Variants in PDE12 observed in about 807,000 individuals in gnomAD.
The protein encoded by PDE12 is phosphodiesterase 12.
A neutral mutation model predicts 45.4 loss-of-function variants in PDE12; 26 were observed. That is an observed-to-expected ratio of 0.57 (90% CI 0.42 to 0.79). PDE12 has a LOEUF of 0.79. Ranked by LOEUF, PDE12 falls within the 30% of genes least tolerant of loss-of-function variation. The pLI is 0.00. For synonymous variants in PDE12, 283 were observed against 323.9 expected (o/e 0.87, Z 1.36); for missense variants, 668 against 790.0 (o/e 0.85, Z 1.85).
chr3:57,580,509 C>A, the PDE12 span, among the ~76,000 whole-genome samples: 1 of 152,140 alleles, frequency 6.6e-6, no homozygotes, highest in Non-Finnish European at 1.5e-5. Flanking sequence ...TCAGGTGATC[C>A]TCCCACCTCA....
At chr3:57,568,491 G>GT (rs2069806362), downstream of PDE12, among the ~76,000 whole-genome samples, 1 of 151,688 alleles carries the variant, frequency 6.6e-6, no homozygotes, top group Non-Finnish European at 1.5e-5. Flanking sequence ...TGACCTGAAA[G>GT]TAATTACTAC....
At chr3:57,596,871 G>C in the PDE12 span, 1 of 582,350 alleles carries the variant, frequency 1.7e-6, no homozygotes, top group African/African-American at 1.9e-5. Flanking sequence ...CCCTGTCCCT[G>C]TCTCGTCTGG....
the PDE12 span, among the ~76,000 whole-genome samples, chr3:57,644,149 CAAA>C: frequency 1.4e-5 from 1 of 73,350 alleles, no homozygotes; most frequent in Non-Finnish European, 2.7e-5. Flanking sequence ...GACTCCATCT[CAAA>C]AAAAAAAAAA....
the PDE12 span, among the ~76,000 whole-genome samples, chr3:57,632,081 G>A: frequency 6.9e-5 from 10 of 144,908 alleles, no homozygotes; most frequent in Non-Finnish European, 1.3e-4. Context: ...GTGCAGTGGC[G>A]CGATCTCAGC....
chr3:57,597,064 CCTCA>C, the PDE12 span: 1 of 1,613,734 alleles, frequency 6.2e-7, no homozygotes, highest in Non-Finnish European at 8.5e-7. Flanking sequence ...ACTCGCAGCC[CCTCA>C]CTCACCCATC....
the PDE12 span, chr3:57,630,615 T>G: frequency 3.9e-6 from 6 of 1,523,970 alleles, no homozygotes; most frequent in African/African-American, 8.5e-5. Context: ...TGTCAAACTT[T>G]AGTAGAATTT....
the PDE12 span, among the ~76,000 whole-genome samples, chr3:57,608,057 G>A: frequency 4.0e-3 from 609 of 152,294 alleles, 1 homozygote; most frequent in Non-Finnish European, 6.4e-3. Context: ...AACTCTACAA[G>A]CCAGAAGAGA....
chr3:57,574,763 C>T, the PDE12 span, among the ~76,000 whole-genome samples: 1 of 152,094 alleles, frequency 6.6e-6, no homozygotes, highest in African/African-American at 2.4e-5. Context: ...TGGCTGGAAT[C>T]CCAGCGCTTT....
the PDE12 span, among the ~76,000 whole-genome samples, chr3:57,650,453 C>CAT: frequency 2.7e-5 from 4 of 147,974 alleles, no homozygotes; most frequent in Non-Finnish European, 4.5e-5. Flanking sequence ...CACATACATA[C>CAT]ACACACACAC....
chr3:57,600,459 TTCCCTTCCCTTTTCCCTCCTC>T, the PDE12 span, among the ~76,000 whole-genome samples: 2 of 149,860 alleles, frequency 1.3e-5, no homozygotes, highest in Non-Finnish European at 3.0e-5. Flanking sequence ...CTGTTCCCTT[TTCCCTTCCCTTTTCCCTCCTC>T]TCCCTTCCCC....
At chr3:57,585,330 T>C in the PDE12 span, among the ~76,000 whole-genome samples, 1 of 152,244 alleles carries the variant, frequency 6.6e-6, no homozygotes, top group Non-Finnish European at 1.5e-5. Context: ...AAGTATGTCC[T>C]AGTGGTATAA....
the PDE12 span, among the ~76,000 whole-genome samples, chr3:57,621,279 T>C: frequency 1.3e-5 from 2 of 152,224 alleles, no homozygotes; most frequent in African/African-American, 2.4e-5. Context: ...GATATTCATA[T>C]GCAAAAAACA....
chr3:57,643,810 G>C, the PDE12 span, among the ~76,000 whole-genome samples: 1 of 146,864 alleles, frequency 6.8e-6, no homozygotes, highest in East Asian at 2.0e-4. Flanking sequence ...CCAGGCAACA[G>C]AGCGAGACTC....
the PDE12 span, among the ~76,000 whole-genome samples, chr3:57,611,277 A>T: frequency 2.0e-5 from 3 of 152,170 alleles, no homozygotes; most frequent in African/African-American, 7.2e-5. Context: ...AACCATAAAA[A>T]CCCTAGAAGA....
At chr3:57,572,382 A>ACTT in the PDE12 span, 24 of 1,071,304 alleles carry the variant, frequency 2.2e-5, no homozygotes, top group Non-Finnish European at 3.4e-5. Flanking sequence ...CAAACTTAAG[A>ACTT]GTCTTTTCAC....
chr3:57,628,704 C>CAT, the PDE12 span: 4 of 1,167,674 alleles, frequency 3.4e-6, no homozygotes, highest in Non-Finnish European at 4.9e-6. Context: ...CAAGCCCTCT[C>CAT]ATTTAAAAAG....
the PDE12 span, among the ~76,000 whole-genome samples, chr3:57,583,520 G>GT: frequency 6.6e-6 from 1 of 152,118 alleles, no homozygotes; most frequent in African/African-American, 2.4e-5. Context: ...AAGTAAACAA[G>GT]TAACTGGGCT....
the PDE12 span, among the ~76,000 whole-genome samples, chr3:57,607,397 CTT>C: frequency 5.3e-5 from 8 of 152,112 alleles, no homozygotes; most frequent in Non-Finnish European, 8.8e-5. Context: ...TGGAGAATGA[CTT>C]TGATGAGTTG....
At chr3:57,609,163 A>G in the PDE12 span, among the ~76,000 whole-genome samples, 1 of 152,204 alleles carries the variant, frequency 6.6e-6, no homozygotes, top group Non-Finnish European at 1.5e-5. Context: ...TGAAGGCAGA[A>G]ATAAAGATGT....
Sources: gnomAD v4.1 joint callset for allele counts (sites outside exome capture counted in the v4.1 genomes callset) on GRCh38, gnomAD v4.1.1 for gene constraint, MANE v1.5 for transcripts, NCBI Gene and HGNC (gene_info 2026-07-23, HGNC 2026-07-21) for gene names.